The following GABBR2 variants were observed in gnomAD, a reference collection of about 807,000 sequenced individuals.
The protein encoded by GABBR2 is G-protein coupled receptor 51.
GABBR2 carries 23 observed loss-of-function variants against 105.6 expected under a neutral mutation model. The ratio of observed to expected loss-of-function variants is 0.22; its 90% confidence interval spans 0.16 to 0.31. The LOEUF is 0.31. Among genes scored for constraint, GABBR2 ranks in the 10% least tolerant of loss-of-function variants. The probability of loss-of-function intolerance (pLI) is 1.00; values close to 1 mark genes in which losing one functional copy is unlikely to be tolerated. For missense variants in GABBR2, 734 were observed against 1,245.5 expected, an observed-to-expected ratio of 0.59 and a Z score of 6.18; for synonymous variants, 478 against 499.7, an observed-to-expected ratio of 0.96 and a Z score of 0.58.
At chr9:98,353,672 C>T (rs1831438698) in intron 13 of GABBR2, among the ~76,000 whole-genome samples, 1 of 152,194 alleles carries the variant, frequency 6.6e-6, no homozygotes, top group Non-Finnish European at 1.5e-5. Context: ...TCTTCTTTTA[C>T]ATCTCCATCA....
chr9:98,451,846 C>T (rs980367909), intron 7 of GABBR2, among the ~76,000 whole-genome samples: 7 of 152,236 alleles, frequency 4.6e-5, no homozygotes, highest in African/African-American at 1.4e-4. Flanking sequence ...TGCATTTCTT[C>T]CTTGCTCACC....
At chr9:98,293,043 G>A (rs1830325803) in intron 18 of GABBR2, among the ~76,000 whole-genome samples, 1 of 152,194 alleles carries the variant, frequency 6.6e-6, no homozygotes. Flanking sequence ...AGCCCCAAAT[G>A]ATGCTGCAAT....
intron 1 of GABBR2, among the ~76,000 whole-genome samples, chr9:98,598,728 C>T (rs1179759802): frequency 1.3e-5 from 2 of 152,116 alleles, no homozygotes; most frequent in Non-Finnish European, 2.9e-5. Flanking sequence ...CTGGAACGGG[C>T]TTCCACATGG....
chr9:98,598,409 G>A (rs566883715), intron 1 of GABBR2, among the ~76,000 whole-genome samples: 1 of 152,214 alleles, frequency 6.6e-6, no homozygotes, highest in East Asian at 1.9e-4. Context: ...AACTACACAG[G>A]GAGATCTATT....
At chr9:98,345,144 C>G (rs1466886603) in intron 13 of GABBR2, among the ~76,000 whole-genome samples, 1 of 152,178 alleles carries the variant, frequency 6.6e-6, no homozygotes, top group Non-Finnish European at 1.5e-5. Flanking sequence ...AAATCCACAC[C>G]CTTCTCTGTT....
At chr9:98,341,519 C>T (rs1334283505) in intron 13 of GABBR2, among the ~76,000 whole-genome samples, 1 of 152,214 alleles carries the variant, frequency 6.6e-6, no homozygotes, top group Non-Finnish European at 1.5e-5. Flanking sequence ...TGAGATAATC[C>T]TCCAGGAACC....
chr9:98,322,165 C>G (rs1830834134), intron 13 of GABBR2, among the ~76,000 whole-genome samples: 1 of 151,954 alleles, frequency 6.6e-6, no homozygotes, highest in African/African-American at 2.4e-5. Flanking sequence ...AGAGGGGGCA[C>G]CAGGGGCACC....
intron 9 of GABBR2, among the ~76,000 whole-genome samples, chr9:98,391,648 G>A (rs1453168729): frequency 6.6e-6 from 1 of 152,188 alleles, no homozygotes; most frequent in African/African-American, 2.4e-5. Flanking sequence ...AGAGCATCCT[G>A]GGCAGAAGGC....
intron 16 of GABBR2, 74 bp from the exon 17 acceptor site, chr9:98,299,427 T>C (rs1588087294): frequency 6.4e-7 from 1 of 1,559,624 alleles, no homozygotes; most frequent in Non-Finnish European, 8.8e-7. Flanking sequence ...GGCCAAAAGG[T>C]AGCTCACAGG....
chr9:98,609,244 A>G (rs1220878584), intron 1 of GABBR2, among the ~76,000 whole-genome samples: 1 of 152,292 alleles, frequency 6.6e-6, no homozygotes, highest in South Asian at 2.1e-4. Context: ...GGCATCCCAG[A>G]CAGCCTGAAT....
At chr9:98,486,686 C>T (rs1827058612) in intron 4 of GABBR2, among the ~76,000 whole-genome samples, 1 of 152,198 alleles carries the variant, frequency 6.6e-6, no homozygotes, top group African/African-American at 2.4e-5. Context: ...AGAGGAGATG[C>T]TATAAACCCC....
intron 13 of GABBR2, among the ~76,000 whole-genome samples, chr9:98,351,800 T>G (rs1831403614): frequency 6.6e-6 from 1 of 152,228 alleles, no homozygotes; most frequent in Non-Finnish European, 1.5e-5. Flanking sequence ...CATTTTGAAT[T>G]TCTTTTCTGG....
At chr9:98,416,200 CT>C (rs994659922) in intron 7 of GABBR2, among the ~76,000 whole-genome samples, 1 of 152,180 alleles carries the variant, frequency 6.6e-6, no homozygotes, top group Non-Finnish European at 1.5e-5. Context: ...TCTCTGGAGC[CT>C]GCAGGAGCTG....
In GABBR2 at chr9:98,289,071, C is replaced by T. The variant is rs926774213; in HGVS notation, c.*1513G>A. On this transcript the variant is annotated 3_prime_UTR_variant, in exon 19 of 19. Coordinates refer to ENST00000259455, the MANE Select transcript of GABBR2 (RefSeq NM_005458.8). ...GAATGTCAGAAAAGTCACTGGGAGC[C>T]TCCCTCCAGCCCGGATGTTCTGGGT... The T allele has an allele frequency of 2.6e-5, 4 of 152,648 alleles. No homozygotes were observed. The highest frequency in any genetic ancestry group is 2.0e-4 in the Admixed American group (3 of 15,282). 9.5% of individuals were successfully genotyped at this position (152,648 alleles called of 1,614,324 possible).
At chr9:98,441,184 A>G (rs1826024757) in intron 7 of GABBR2, among the ~76,000 whole-genome samples, 1 of 152,198 alleles carries the variant, frequency 6.6e-6, no homozygotes, top group Non-Finnish European at 1.5e-5. Context: ...GTAGCTTGCA[A>G]ATACCATTAT....
At chr9:98,632,604 C>T (rs887852225) in intron 1 of GABBR2, among the ~76,000 whole-genome samples, 5 of 152,150 alleles carry the variant, frequency 3.3e-5, no homozygotes, top group Non-Finnish European at 5.9e-5. Flanking sequence ...TCTCAAAACC[C>T]GGCCATCATG....
At chr9:98,345,794 T>G (rs1398066371) in intron 13 of GABBR2, among the ~76,000 whole-genome samples, 3 of 152,230 alleles carry the variant, frequency 2.0e-5, no homozygotes, top group African/African-American at 7.2e-5. Context: ...TCACTTGCTT[T>G]CCTATACAGG....
intron 13 of GABBR2, among the ~76,000 whole-genome samples, chr9:98,312,808 G>A (rs555420609): frequency 6.6e-6 from 1 of 152,106 alleles, no homozygotes; most frequent in Non-Finnish European, 1.5e-5. Context: ...GGAGTGCAAT[G>A]TCGTGATCTC....
rs1564068224 is a variant in GABBR2, at chr9:98,436,361, A to AC, written c.1236+17619_1236+17620insG. 5.3e-3 allele frequency among the ~76,000 whole-genome samples: 27 copies of AC among 5,120 alleles called. 1 individual carries two copies. Among genetic ancestry groups the AC allele is most frequent in the South Asian group, 0.031 (3 of 98 alleles). 3.4% of individuals were successfully genotyped at this position (5,120 alleles called of 152,430 possible). A position where few individuals can be genotyped will look rare whatever the true frequency, so the allele number is the denominator to read the frequency against. On this transcript the variant is annotated intron_variant, in intron 7 of 18. Transcript: ENST00000259455. ...ACACACACACACCATATATATATAT[A>AC]TATATATATATATATATATATATAT...
Sources: gnomAD v4.1 joint callset for allele counts (sites outside exome capture counted in the v4.1 genomes callset) on GRCh38, gnomAD v4.1.1 for gene constraint, MANE v1.5 for transcripts, NCBI Gene and HGNC (gene_info 2026-07-23, HGNC 2026-07-21) for gene names.